GNG2: variants seen among roughly 807,000 people sequenced by gnomAD.
GNG2 encodes the protein guanine nucleotide-binding protein G(I)/G(S)/G(O) subunit gamma-2.
Under a neutral mutation model 5.5 loss-of-function variants are expected in GNG2, and 5 were observed. That is an observed-to-expected ratio of 0.91 (90% confidence interval 0.48 to 1.92). GNG2 has a LOEUF of 1.92. GNG2 is among the 30% of genes most tolerant of loss of function. GNG2 has a pLI of 0.01. For synonymous variants in GNG2, 28 were observed against 32.0 expected, an observed-to-expected ratio of 0.88 and a Z score of 0.42; for missense variants, 55 against 88.4, an observed-to-expected ratio of 0.62 and a Z score of 1.52.
intron 2 of GNG2, among the ~76,000 whole-genome samples, chr14:51,850,451 C>A (rs192896037): frequency 6.6e-6 from 1 of 152,204 alleles, no homozygotes; most frequent in Admixed American, 6.5e-5. Flanking sequence ...GTGAAAATTT[C>A]TTGTCTTCTG....
intron 2 of GNG2, among the ~76,000 whole-genome samples, chr14:51,844,063 C>A (rs544596803): frequency 6.6e-6 from 1 of 152,186 alleles, no homozygotes; most frequent in Admixed American, 6.5e-5. Flanking sequence ...CTTCTCAGTT[C>A]GCTCTGCTCC....
intron 2 of GNG2, among the ~76,000 whole-genome samples, chr14:51,835,844 G>T (rs2790505): frequency 1.3e-5 from 2 of 151,784 alleles, no homozygotes; most frequent in Non-Finnish European, 2.9e-5. Flanking sequence ...CTAATTTTCA[G>T]GTCTTTTGCT....
chr14:51,875,316 G>A (rs1883584759), intron 1 of GNG2, among the ~76,000 whole-genome samples: 1 of 152,198 alleles, frequency 6.6e-6, no homozygotes, highest in Non-Finnish European at 1.5e-5. Flanking sequence ...GTTGGAAGGG[G>A]AGGCCCTGAC....
intron 2 of GNG2, among the ~76,000 whole-genome samples, chr14:51,881,457 G>A (rs1424429335): frequency 6.6e-6 from 1 of 152,096 alleles, no homozygotes; most frequent in Non-Finnish European, 1.5e-5. Context: ...GGGTAAAGAC[G>A]CTTGCTGGGC....
At chr14:51,948,251 GAAA>G (rs1195474880) in intron 2 of GNG2, among the ~76,000 whole-genome samples, 1 of 152,020 alleles carries the variant, frequency 6.6e-6, no homozygotes, top group East Asian at 1.9e-4. Flanking sequence ...TCTCCACTAA[GAAA>G]AAAAGTGTCG....
At chr14:51,847,068 C>T (rs972576699) in intron 2 of GNG2, 1 of 152,104 alleles carries the variant, frequency 6.6e-6, no homozygotes. Flanking sequence ...ATGCTGTGTC[C>T]CTTCCTGGAA....
intron 2 of GNG2, among the ~76,000 whole-genome samples, chr14:51,898,097 G>A (rs1298025256): frequency 2.0e-5 from 3 of 152,090 alleles, no homozygotes; most frequent in Non-Finnish European, 4.4e-5. Context: ...GTGTCCTGTG[G>A]TTACATATGT....
chr14:51,889,544 G>A (rs1041920148), intron 2 of GNG2, among the ~76,000 whole-genome samples: 5 of 152,084 alleles, frequency 3.3e-5, no homozygotes, highest in Admixed American at 3.3e-4. Flanking sequence ...TTATATATCA[G>A]TAAAACTGTT....
chr14:51,944,840 GA>G (rs1418760777), intron 2 of GNG2, among the ~76,000 whole-genome samples: 1 of 152,254 alleles, frequency 6.6e-6, no homozygotes, highest in Admixed American at 6.5e-5. Context: ...TCAACGGAGT[GA>G]AAAGACAGTC....
chr14:51,835,600 C>A (rs1881308555), intron 2 of GNG2, among the ~76,000 whole-genome samples: 1 of 152,128 alleles, frequency 6.6e-6, no homozygotes, highest in Non-Finnish European at 1.5e-5. Context: ...TGTGTCTCTG[C>A]AAACACTCAG....
Position 51,966,848 on chromosome 14 carries a change from G to A in GNG2, c.*161G>A. On this transcript the variant is annotated 3_prime_UTR_variant, in exon 4 of 4. Transcript: ENST00000556766. ...TGTTTAAAGATCTGGTCCCCTTTAT[G>A]AGAATGCAAGCCGATCCACATCCTG... 1 of 570,228 alleles carries A rather than the reference G, an allele frequency of 1.8e-6. No individual in the cohort carries two copies. The highest frequency in any genetic ancestry group is 2.2e-5 in the South Asian group (1 of 45,876). 35.3% of individuals were successfully genotyped at this position (570,228 alleles called of 1,614,324 possible).
intron 2 of GNG2, among the ~76,000 whole-genome samples, chr14:51,933,662 G>A (rs941188965): frequency 2.6e-5 from 4 of 152,218 alleles, no homozygotes; most frequent in Non-Finnish European, 4.4e-5. Flanking sequence ...GAGAGCCGCT[G>A]CTCGAGTGAA....
At chr14:51,906,349 T>G (rs1885916801) in intron 2 of GNG2, among the ~76,000 whole-genome samples, 2 of 152,264 alleles carry the variant, frequency 1.3e-5, no homozygotes, top group African/African-American at 4.8e-5. Flanking sequence ...CTATTCTCTT[T>G]TTTTGTTTAA....
intron 2 of GNG2, among the ~76,000 whole-genome samples, chr14:51,921,258 C>T (rs188271367): frequency 4.6e-4 from 70 of 152,184 alleles, no homozygotes; most frequent in Middle Eastern, 3.4e-3. Flanking sequence ...ATAGTATGCA[C>T]CGCATAGTGT....
At chr14:51,948,353 C>A (rs897773533) in intron 2 of GNG2, among the ~76,000 whole-genome samples, 10 of 151,088 alleles carry the variant, frequency 6.6e-5, no homozygotes, top group African/African-American at 2.4e-4. Flanking sequence ...AGATTCAGGG[C>A]AGAAGAGTCA....
intron 2 of GNG2, among the ~76,000 whole-genome samples, chr14:51,895,062 C>G (rs937643386): frequency 4.7e-5 from 7 of 149,166 alleles, no homozygotes; most frequent in African/African-American, 1.7e-4. Context: ...AAACAATGAA[C>G]TTTAAAATTG....
chr14:51,914,042 G>A (rs1886455059), intron 2 of GNG2: 1 of 523,142 alleles, frequency 1.9e-6, no homozygotes, highest in Non-Finnish European at 3.4e-6. Context: ...AAAACTGGGA[G>A]TCACTGTATC....
intron 1 of GNG2, among the ~76,000 whole-genome samples, chr14:51,875,026 A>T (rs1883564014): frequency 6.6e-6 from 1 of 152,258 alleles, no homozygotes; most frequent in South Asian, 2.1e-4. Flanking sequence ...AAGAAAAAAT[A>T]AAAATGGCTC....
intron 2 of GNG2, among the ~76,000 whole-genome samples, chr14:51,895,098 A>G (rs1347632844): frequency 2.0e-5 from 3 of 152,114 alleles, no homozygotes; most frequent in Non-Finnish European, 4.4e-5. Flanking sequence ...GCCAGGAAAT[A>G]AAAAGCCATT....
Sources: gnomAD v4.1 joint callset for allele counts (sites outside exome capture counted in the v4.1 genomes callset) on GRCh38, gnomAD v4.1.1 for gene constraint, MANE v1.5 for transcripts, NCBI Gene and HGNC (gene_info 2026-07-23, HGNC 2026-07-21) for gene names.